Variants in TNFRSF19 observed in about 807,000 individuals in gnomAD.
TNFRSF19 encodes the protein tumor necrosis factor receptor superfamily member 19.
TNFRSF19 carries 27 observed loss-of-function variants against 46.4 expected under a neutral mutation model. The ratio of observed to expected loss-of-function variants is 0.58; its 90% CI spans 0.43 to 0.80. The LOEUF (loss-of-function observed/expected upper bound fraction) is 0.80. TNFRSF19 is among the 30% of genes least tolerant of loss of function. The pLI, the probability that TNFRSF19 is intolerant of heterozygous loss-of-function variation, is 0.00. For synonymous variants in TNFRSF19, 204 were observed against 205.0 expected (o/e 1.00, Z 0.04); for missense variants, 511 against 530.8 (o/e 0.96, Z 0.37).
chr13:23,644,214 T>A (rs532688197), intron 5 of TNFRSF19, among the ~76,000 whole-genome samples: 2 of 152,220 alleles, frequency 1.3e-5, no homozygotes, highest in Non-Finnish European at 2.9e-5. Context: ...ATAGCTGTAC[T>A]GGTTTTGATG....
intron 5 of TNFRSF19, among the ~76,000 whole-genome samples, chr13:23,642,855 T>C (rs926719799): frequency 6.6e-6 from 1 of 152,240 alleles, no homozygotes; most frequent in Non-Finnish European, 1.5e-5. Context: ...GTGTTTCCAG[T>C]TTACTCCTCA....
chr13:23,671,033 C>G (rs548080354), intron 9 of TNFRSF19, among the ~76,000 whole-genome samples: 10 of 152,310 alleles, frequency 6.6e-5, no homozygotes, highest in African/African-American at 2.4e-4. Context: ...ATCCCGGAGC[C>G]AACTCATTGC....
chr13:23,635,062 C>G (rs904563146), intron 5 of TNFRSF19, among the ~76,000 whole-genome samples: 2 of 152,224 alleles, frequency 1.3e-5, no homozygotes, highest in Middle Eastern at 3.4e-3. Context: ...CCTTAAAGCC[C>G]TCATTCCACA....
chr13:23,630,307 A>AAG (rs1882275761), intron 5 of TNFRSF19, among the ~76,000 whole-genome samples: 1 of 150,504 alleles, frequency 6.6e-6, no homozygotes, highest in Non-Finnish European at 1.5e-5. Flanking sequence ...TGTCTTAAAA[A>AAG]AAAAAAAAAA....
intron 1 of TNFRSF19, among the ~76,000 whole-genome samples, chr13:23,586,961 C>G (rs774354266): frequency 6.6e-6 from 1 of 150,698 alleles, no homozygotes; most frequent in Non-Finnish European, 1.5e-5. Context: ...AACAGTTTCT[C>G]TGTACATGTC....
intron 1 of TNFRSF19, chr13:23,579,636 G>A (rs1944320224): frequency 6.6e-6 from 1 of 152,362 alleles, no homozygotes; most frequent in Admixed American, 6.5e-5. Context: ...GCCGCCCTAG[G>A]GAGGGAGGAG....
intron 5 of TNFRSF19, among the ~76,000 whole-genome samples, chr13:23,652,403 A>T (rs1171380929): frequency 6.6e-6 from 1 of 152,218 alleles, no homozygotes; most frequent in African/African-American, 2.4e-5. Context: ...GGCATTCATT[A>T]TAAATCAGTC....
chr13:23,595,456 GA>G (rs1879651453), intron 3 of TNFRSF19, among the ~76,000 whole-genome samples: 1 of 152,144 alleles, frequency 6.6e-6, no homozygotes, highest in African/African-American at 2.4e-5. Flanking sequence ...AGAACTTCAT[GA>G]AGCATACACA....
chr13:23,619,672 TCA>T (rs1881526756), intron 4 of TNFRSF19, among the ~76,000 whole-genome samples: 1 of 152,226 alleles, frequency 6.6e-6, no homozygotes, highest in Admixed American at 6.5e-5. Context: ...ACGGAACATC[TCA>T]CACACCTCTG....
intron 3 of TNFRSF19, among the ~76,000 whole-genome samples, chr13:23,606,813 C>G (rs761609424): frequency 1.3e-4 from 20 of 152,112 alleles, no homozygotes; most frequent in South Asian, 8.3e-4. Flanking sequence ...TATTTTCCAC[C>G]CCACTTAACT....
chr13:23,631,205 C>A (rs1882342903), intron 5 of TNFRSF19, among the ~76,000 whole-genome samples: 1 of 152,064 alleles, frequency 6.6e-6, no homozygotes, highest in Admixed American at 6.6e-5. Flanking sequence ...TAATTTTTAA[C>A]ATTTAGTAGA....
intron 1 of TNFRSF19, among the ~76,000 whole-genome samples, chr13:23,582,105 G>T (rs1593228671): frequency 6.6e-6 from 1 of 152,042 alleles, no homozygotes; most frequent in Admixed American, 6.6e-5. Flanking sequence ...GCTTGGCCGG[G>T]CACGGTGGCT....
intron 1 of TNFRSF19, among the ~76,000 whole-genome samples, chr13:23,576,094 G>A (rs1173315649): frequency 3.3e-5 from 5 of 151,476 alleles, no homozygotes; most frequent in Non-Finnish European, 7.4e-5. Context: ...CTAATTACAA[G>A]CATCCAGTTT....
chr13:23,620,664 A>G (rs1337339046), intron 4 of TNFRSF19, among the ~76,000 whole-genome samples: 1 of 152,230 alleles, frequency 6.6e-6, no homozygotes, highest in Non-Finnish European at 1.5e-5. Context: ...GTCCTAATGG[A>G]ATATTGGACA....
chr13:23,619,856 C>A (rs1164311810), intron 4 of TNFRSF19, among the ~76,000 whole-genome samples: 1 of 152,188 alleles, frequency 6.6e-6, no homozygotes, highest in Non-Finnish European at 1.5e-5. Flanking sequence ...AGAGCCCATG[C>A]AGGGCTGTGC....
intron 4 of TNFRSF19, among the ~76,000 whole-genome samples, chr13:23,620,383 C>T (rs763272606): frequency 3.9e-5 from 6 of 152,190 alleles, no homozygotes; most frequent in Non-Finnish European, 8.8e-5. Context: ...AGGCCGAGGT[C>T]CCCCAGGACA....
At chr13:23,642,765 A>G (rs1237716935) in intron 5 of TNFRSF19, among the ~76,000 whole-genome samples, 1 of 152,224 alleles carries the variant, frequency 6.6e-6, no homozygotes, top group Non-Finnish European at 1.5e-5. Context: ...TACATTTATC[A>G]ATAAACAATG....
At chr13:23,588,898 C>T (rs752990572) in intron 1 of TNFRSF19, among the ~76,000 whole-genome samples, 15 of 152,208 alleles carry the variant, frequency 9.9e-5, no homozygotes, top group Admixed American at 2.0e-4. Flanking sequence ...TTCATTGCCC[C>T]GGCAATGTGA....
chr13:23,580,495 A>G (rs1318278666), intron 1 of TNFRSF19, among the ~76,000 whole-genome samples: 1 of 152,266 alleles, frequency 6.6e-6, no homozygotes, highest in Non-Finnish European at 1.5e-5. Flanking sequence ...TTTCATGATC[A>G]GATATTAGAT....
Sources: allele counts gnomAD v4.1 joint callset (sites outside exome capture counted in the v4.1 genomes callset), GRCh38; gene constraint gnomAD v4.1.1; transcripts MANE v1.5; gene names NCBI Gene and HGNC (gene_info 2026-07-23, HGNC 2026-07-21).